PARP11: variants seen among roughly 807,000 people sequenced by gnomAD.
The protein encoded by PARP11 is protein mono-ADP-ribosyltransferase PARP11.
Under a neutral mutation model 42.9 loss-of-function variants are expected in PARP11, and 31 were observed. The observed-to-expected ratio is 0.72, with a 90% CI of 0.54 to 0.98. PARP11 has a LOEUF of 0.98. PARP11 is among the 50% of genes least tolerant of loss of function. PARP11 has a pLI of 0.00. For synonymous variants in PARP11, 137 were observed against 127.3 expected (o/e 1.08, Z -0.51); for missense variants, 365 against 413.1 (o/e 0.88, Z 1.01).
intron 4 of PARP11, chr12:3,824,583 A>C (rs1335186633): frequency 1.1e-6 from 1 of 950,730 alleles, no homozygotes; most frequent in East Asian, 1.2e-4. Flanking sequence ...TATCTTACCT[A>C]AACAGTCCTC....
rs1565527335 is a variant in PARP11, at chr12:3,810,686, A to AAGGAAG, written c.*1436_*1437insCTTCCT. The AAGGAAG allele has an allele frequency of 3.1e-4, 39 of 126,858 alleles. No individual in the cohort carries two copies. Among genetic ancestry groups the AAGGAAG allele is most frequent in the African/African-American group, 1.2e-3 (38 of 31,124 alleles). 7.9% of individuals were successfully genotyped at this position (126,858 alleles called of 1,614,324 possible). A position where few individuals can be genotyped will look rare whatever the true frequency, so the allele number is the denominator to read the frequency against. The stretch of plus-strand genomic sequence containing the variant: ...AGGAAGGAAGGAAGGAAGGAAGGAA[A>AAGGAAG]GAAAGAAGGAAGGAAGAGAGAGAGA... On this transcript the variant is annotated 3_prime_UTR_variant, in exon 8 of 8. Coordinates refer to ENST00000228820, the MANE Select transcript of PARP11 (RefSeq NM_020367.6).
intron 1 of PARP11, among the ~76,000 whole-genome samples, chr12:3,846,584 G>A (rs11062866): frequency 0.28 from 42,499 of 150,994 alleles, 7,664 homozygotes; most frequent in Non-Finnish European, 0.4. Flanking sequence ...GTGAAACCCC[G>A]TCTCTACTAA....
intron 1 of PARP11, among the ~76,000 whole-genome samples, chr12:3,867,976 C>T (rs1042227466): frequency 6.6e-6 from 1 of 152,214 alleles, no homozygotes; most frequent in South Asian, 2.1e-4. Context: ...CCAGCAAACA[C>T]AAGTTGCAAT....
chr12:3,812,055 G>T lies in PARP11; in HGVS notation c.*68C>A. 1 of 1,169,036 alleles carries T rather than the reference G, an allele frequency of 8.6e-7. No homozygotes were observed. The highest frequency in any genetic ancestry group is 1.2e-6 in the Non-Finnish European group (1 of 823,900). 72.4% of individuals were successfully genotyped at this position (1,169,036 alleles called of 1,614,324 possible). ...GATAATTAACATTTAGTGGCTAGAT[G>T]ACTGAAGAGCAAACCTTCCTGCAAA... On this transcript the variant is annotated 3_prime_UTR_variant, in exon 8 of 8. Coordinates refer to ENST00000228820, the MANE Select transcript of PARP11 (RefSeq NM_020367.6).
chr12:3,822,757 C>A (rs1947427138), intron 4 of PARP11, among the ~76,000 whole-genome samples: 2 of 151,860 alleles, frequency 1.3e-5, no homozygotes, highest in African/African-American at 2.4e-5. Flanking sequence ...TCCAAAATTT[C>A]TTTAAAATGT....
rs547401271 is a variant in PARP11, at chr12:3,861,383, T to C, written c.18+11829A>G. Among the ~76,000 whole-genome samples, 2 of 152,330 alleles carry C rather than the reference T, an allele frequency of 1.3e-5. No homozygotes were observed. The highest frequency in any genetic ancestry group is 2.4e-5 in the African/African-American group (1 of 41,572). On this transcript the variant is annotated intron_variant, in intron 1 of 7. Transcript: ENST00000228820. This position sits in a 1 kb window ranked among gnomAD's most constrained non-coding sequence, Gnocchi z 4.6. ...TCTTAATATTTGCCAATCTGATAGA[T>C]GGGCAGTATTGTGGTTCTATTTTCC... is the stretch of plus-strand genomic sequence containing the variant.
chr12:3,846,866 T>C lies in PARP11; in HGVS notation c.19-16848A>G, dbSNP rs557823804. 1.5e-3 allele frequency among the ~76,000 whole-genome samples: 222 copies of C among 151,900 alleles called. 1 individual carries two copies. Among genetic ancestry groups the C allele is most frequent in the African/African-American group, 3.6e-3 (148 of 41,412 alleles). ...TTGGGAGGCTGAGGTAGGAGGATCA[T>C]TTATGGCCAGGAGTTCAAGACCAGT... On this transcript the variant is annotated intron_variant, in intron 1 of 7. Transcript: ENST00000228820.
Position 3,826,287 on chromosome 12 carries a change from A to G in PARP11, c.269-54T>C, listed in dbSNP as rs960025589. 10 of 1,278,638 alleles carry G rather than the reference A, an allele frequency of 7.8e-6. No homozygotes were observed. The African/African-American group carries it at 1.4e-4, about 17-fold the overall frequency. 79.2% of individuals were successfully genotyped at this position (1,278,638 alleles called of 1,614,324 possible). A position where few individuals can be genotyped will look rare whatever the true frequency, so the allele number is the denominator to read the frequency against. ...GTCATAAAAGTACACTGTACTATAAAGTGTCATGAAGATTAATAGCCACGC... is the reference window on the plus strand; with the variant it reads ...GTCATAAAAGTACACTGTACTATAAGGTGTCATGAAGATTAATAGCCACGC... On this transcript the variant is annotated intron_variant, in intron 3 of 7. Transcript: ENST00000228820.
chr12:3,823,037 TACAGAA>T (rs1028699593), intron 4 of PARP11, among the ~76,000 whole-genome samples: 2 of 152,152 alleles, frequency 1.3e-5, no homozygotes, highest in Admixed American at 1.3e-4. Context: ...CCGATGTGAA[TACAGAA>T]AAACAGTGAT....
intron 1 of PARP11, among the ~76,000 whole-genome samples, chr12:3,852,239 A>T (rs1948109464): frequency 6.6e-6 from 1 of 152,244 alleles, no homozygotes; most frequent in Non-Finnish European, 1.5e-5. Context: ...CTCCAAAGGA[A>T]CGCAGCTCCT....
At chr12:3,862,641 T>A (rs1948316999) in intron 1 of PARP11, among the ~76,000 whole-genome samples, 2 of 150,926 alleles carry the variant, frequency 1.3e-5, no homozygotes, top group South Asian at 4.2e-4. Flanking sequence ...AAGTATGGAG[T>A]GACGTTCATT....
At position 3,861,704 on chromosome 12, in the gene PARP11, G is replaced by A. The variant is rs778607232; in HGVS notation, c.18+11508C>T. Among the ~76,000 whole-genome samples, 2 of 150,068 alleles carry A rather than the reference G, an allele frequency of 1.3e-5. No individual in the cohort carries two copies. The highest frequency in any genetic ancestry group is 1.9e-4 in the East Asian group (1 of 5,130). On this transcript the variant is annotated intron_variant, in intron 1 of 7. Transcript: ENST00000228820. This position sits in a 1 kb window ranked among gnomAD's most constrained non-coding sequence, Gnocchi z 4.6. ...TGTTTTATCACTTTTTTTTTTCATC[G>A]ATCATAGTCCTGGCATTGTAGCTAA... is the stretch of plus-strand genomic sequence containing the variant.
chr12:3,840,596 C>A lies in PARP11; in HGVS notation c.19-10578G>T. 4.3e-6 allele frequency: 6 copies of A among 1,398,996 alleles called. No individual in the cohort carries two copies. Among genetic ancestry groups the A allele is most frequent in the South Asian group, 3.5e-5 (3 of 86,694 alleles). 86.7% of individuals were successfully genotyped at this position (1,398,996 alleles called of 1,614,324 possible). ...GAAAGAGTTGAGGATTCTGATCACA[C>A]AAGTCGAGAATCTAACTATTGCTAC... On this transcript the variant is annotated intron_variant, in intron 1 of 7. Coordinates refer to ENST00000228820, the MANE Select transcript of PARP11 (RefSeq NM_020367.6). This position sits in a 1 kb window ranked among gnomAD's most constrained non-coding sequence, Gnocchi z 4.4.
At chr12:3,841,435 G>C in intron 1 of PARP11, 1 of 1,342,244 alleles carries the variant, frequency 7.5e-7, no homozygotes, top group African/African-American at 1.4e-5. Context: ...GGCTCCTGCC[G>C]CCCAGAATTA....
chr12:3,836,951 GT>G (rs1947778303), intron 1 of PARP11, among the ~76,000 whole-genome samples: 1 of 152,152 alleles, frequency 6.6e-6, no homozygotes. Flanking sequence ...ACCATCTTGG[GT>G]TCCCTGACAG....
At chr12:3,866,441 A>G (rs2138130254) in intron 1 of PARP11, among the ~76,000 whole-genome samples, 1 of 152,294 alleles carries the variant, frequency 6.6e-6, no homozygotes, top group South Asian at 2.1e-4. Flanking sequence ...TTTCACAGGC[A>G]TTTTCAGGGG....
At chr12:3,827,001 A>G (rs1022995388) in intron 3 of PARP11, among the ~76,000 whole-genome samples, 3 of 152,232 alleles carry the variant, frequency 2.0e-5, no homozygotes, top group African/African-American at 7.2e-5. Context: ...AGGCTAGTAT[A>G]AAGTGTGTTC....
rs550174023 is a variant in PARP11 at position 3,809,441 on chromosome 12, T to G, written c.*2682A>C. 1.4e-4 allele frequency: 22 copies of G among 152,232 alleles called. No individual in the cohort carries two copies. Among genetic ancestry groups the G allele is most frequent in the Non-Finnish European group, 2.9e-4 (20 of 68,040 alleles). The allele number at this position is 152,232 out of a possible 1,614,324, so 9.4% of individuals were successfully genotyped here. ...TATAGTACCTTCTTACAATGGCTAC[T>G]GCAGTGCATTCTACATATTTCATAG... On this transcript the variant is annotated 3_prime_UTR_variant, in exon 8 of 8. Transcript: ENST00000228820.
chr12:3,853,225 A>G (rs557758226), intron 1 of PARP11, among the ~76,000 whole-genome samples: 8 of 152,244 alleles, frequency 5.3e-5, no homozygotes, highest in Non-Finnish European at 1.0e-4. Flanking sequence ...AACTGCATCA[A>G]CTAATGGGCA....
Sources: allele counts gnomAD v4.1 joint callset (sites outside exome capture counted in the v4.1 genomes callset), GRCh38; gene constraint gnomAD v4.1.1; non-coding constraint Gnocchi (gnomAD v3.1); transcripts MANE v1.5; gene names NCBI Gene and HGNC (gene_info 2026-07-23, HGNC 2026-07-21).